Variants in DDX43 observed in about 807,000 individuals in gnomAD.
DDX43 encodes the protein probable ATP-dependent RNA helicase DDX43.
A neutral mutation model predicts 84.9 loss-of-function variants in DDX43; 50 were observed. The ratio of observed to expected loss-of-function variants is 0.59; its 90% CI spans 0.47 to 0.75. The LOEUF is 0.75. Ranked by LOEUF, DDX43 falls within the 30% of genes least tolerant of loss-of-function variation. The probability of loss-of-function intolerance (pLI) is 0.00; values close to 1 mark genes in which losing one functional copy is unlikely to be tolerated. For synonymous variants in DDX43, 291 were observed against 266.3 expected (o/e 1.09, Z -0.90); for missense variants, 689 against 798.6 (o/e 0.86, Z 1.65).
intron 11 of DDX43, among the ~76,000 whole-genome samples, chr6:73,412,616 G>A (rs947526325): frequency 1.6e-5 from 2 of 126,734 alleles, no homozygotes; most frequent in East Asian, 4.6e-4. Flanking sequence ...CTGCCTCCTG[G>A]GTTCAAGTGA....
rs1386128818 is a variant in DDX43, at chr6:73,401,950, TAGAG to T, written c.531_534del (p.Glu178LysfsTer3). 1 of 1,613,910 alleles carries T rather than the reference TAGAG, an allele frequency of 6.2e-7. No homozygotes were observed. The highest frequency in any genetic ancestry group is 8.5e-7 in the Non-Finnish European group (1 of 1,180,010). ...GGCCATTGATAGATTGGGATCAAAT[TAGAG>T]AGGAAGGTTTGAAATGGCAAAAAAC... On this transcript the variant is annotated frameshift_variant, in exon 4 of 17. Coordinates refer to ENST00000370336, the MANE Select transcript of DDX43 (RefSeq NM_018665.3). LOFTEE classifies it high-confidence loss of function.
At chr6:73,412,638 A>AGAGT (rs1554236109) in intron 11 of DDX43, among the ~76,000 whole-genome samples, 1 of 59,632 alleles carries the variant, frequency 1.7e-5, no homozygotes, top group Non-Finnish European at 4.1e-5. Flanking sequence ...ATATATATAT[A>AGAGT]GTGTGTGTGT....
In DDX43 at chr6:73,412,264, T is replaced by C. The variant is rs1459713510; in HGVS notation, c.1340T>C (p.Ile447Thr). ...LAQSYLKEPM[I>T]VYVGTLDLVA... ...CAATCTTATTTGAAAGAACCAATGATTGTCTATGTTGGTACATTGGATCTA... is the reference window on the plus strand; with the variant it reads ...CAATCTTATTTGAAAGAACCAATGACTGTCTATGTTGGTACATTGGATCTA... The change falls in exon 11 of 17, where the codon ATT (isoleucine) becomes ACT (threonine). Residue 447 changes from isoleucine (I) to threonine (T), a missense_variant. Around this residue, in one of 2 missense-constraint regions of DDX43, gnomAD observed 552 missense variants for 692.7 expected, o/e 0.80. Coordinates refer to ENST00000370336, the MANE Select transcript of DDX43 (RefSeq NM_018665.3). 4 of 1,613,414 alleles carry C rather than the reference T, an allele frequency of 2.5e-6. No individual in the cohort carries two copies. In the African/African-American group the frequency reaches 4.0e-5, roughly 16 times the overall value.
At position 73,400,318 on chromosome 6, in the gene DDX43, T is replaced by G; in HGVS notation, c.391T>G (p.Phe131Val). ...GAAAGCAAAAGCAGTGATAGACAAT[T>G]TTGTTAAAAAGCTAGAAGAAAATTA... is the stretch of plus-strand genomic sequence containing the variant. ...QTKAKAVIDN[F>V]VKKLEENYNS... The change falls in exon 3 of 17, where the codon TTT becomes GTT. Residue 131 changes from phenylalanine (F) to valine (V), a missense_variant. Physicochemically the swap from Phe to Val is conservative, Grantham distance 50 (BLOSUM62 -1). Transcript: ENST00000370336. The G allele has an allele frequency of 1.2e-6, 2 of 1,607,726 alleles. No individual in the cohort carries two copies. The highest frequency in any genetic ancestry group is 8.5e-7 in the Non-Finnish European group (1 of 1,178,008).
intron 11 of DDX43, among the ~76,000 whole-genome samples, chr6:73,412,678 C>CGT (rs1554236194): frequency 0.12 from 9,240 of 75,928 alleles, 488 homozygotes; most frequent in South Asian, 0.16. Flanking sequence ...TGCGCGCGCG[C>CGT]GTGTGTGTGT....
In DDX43 at chr6:73,395,069, C is replaced by T; in HGVS notation, c.164C>T (p.Ser55Phe). 6.2e-7 allele frequency: 1 copy of T among 1,613,364 alleles called. No individual in the cohort carries two copies. The highest frequency in any genetic ancestry group is 8.5e-7 in the Non-Finnish European group (1 of 1,179,734). The part of the protein sequence containing the change: ...VGRGGRWRGT[S>F]RPPEAVAAGH... ...AGAGGTGGTCGCTGGAGAGGCACCTCTAGGCCCCCGGAGGCCGTGGCCGCT... is the reference window on the plus strand; with the variant it reads ...AGAGGTGGTCGCTGGAGAGGCACCTTTAGGCCCCCGGAGGCCGTGGCCGCT... The change falls in exon 1 of 17, where the codon TCT becomes TTT. Residue 55 changes from serine (S) to phenylalanine (F), a missense_variant. Physicochemically the swap from Ser to Phe is radical, Grantham distance 155. Around this residue, in one of 2 missense-constraint regions of DDX43, gnomAD observed 137 missense variants for 105.9 expected, o/e 1.29. Coordinates refer to ENST00000370336, the MANE Select transcript of DDX43 (RefSeq NM_018665.3).
At chr6:73,396,679 A>G (rs1769481044) in intron 1 of DDX43, among the ~76,000 whole-genome samples, 2 of 152,214 alleles carry the variant, frequency 1.3e-5, no homozygotes, top group Admixed American at 1.3e-4. Flanking sequence ...TGTATCCCAG[A>G]TCTCTGGAAC....
At chr6:73,400,403 T>G (rs774636655) in intron 3 of DDX43, 40 bp downstream of exon 3, 1 of 1,551,760 alleles carries the variant, frequency 6.4e-7, no homozygotes, top group Non-Finnish European at 8.7e-7. Context: ...TAAAAGTTTT[T>G]AATTTCATTC....
At chr6:73,407,748 A>ACT in intron 8 of DDX43, 133 bp downstream of exon 8, 2 of 789,890 alleles carry the variant, frequency 2.5e-6, no homozygotes. Flanking sequence ...ATTTAGCACT[A>ACT]CTCTAATCAG....
intron 6 of DDX43, 78 bp from the exon 7 acceptor site, chr6:73,406,286 T>A (rs1160188637): frequency 2.0e-6 from 2 of 1,022,944 alleles, no homozygotes; most frequent in African/African-American, 1.6e-5. Flanking sequence ...CCTCCCAAAG[T>A]GCTGGGATTA....
Position 73,408,217 on chromosome 6 carries a change from CTAAGGTCAGGAGTTCGAG to C in DDX43, c.1179+117_1179+134del, listed in dbSNP as rs1582639415. ...TGGGAGGCCGAGGCAGGTGGATCAC[CTAAGGTCAGGAGTTCGAG>C]ACCAACCTGACCAATATGATGAAAC... On this transcript the variant is annotated intron_variant, in intron 9 of 16. Transcript: ENST00000370336. 8.7e-6 allele frequency: 9 copies of C among 1,035,328 alleles called. No homozygotes were observed. In the East Asian group the frequency reaches 2.2e-4, roughly 26 times the overall value. The allele number at this position is 1,035,328 out of a possible 1,614,324, so 64.1% of individuals were successfully genotyped here. A position where few individuals can be genotyped will look rare whatever the true frequency, so the allele number is the denominator to read the frequency against.
chr6:73,402,867 C>A (rs1769602371), intron 4 of DDX43, among the ~76,000 whole-genome samples: 1 of 152,174 alleles, frequency 6.6e-6, no homozygotes, highest in African/African-American at 2.4e-5. Context: ...GCGTGAGCCA[C>A]CCCACCCAGC....
chr6:73,400,447 C>G lies in DDX43; in HGVS notation c.436+84C>G, dbSNP rs749303498. The G allele has an allele frequency of 2.0e-4, 251 of 1,277,978 alleles. 1 individual carries two copies. Among genetic ancestry groups the G allele is most frequent in the Non-Finnish European group, 2.5e-4 (240 of 952,368 alleles). 79.2% of individuals were successfully genotyped at this position (1,277,978 alleles called of 1,614,324 possible). A position where few individuals can be genotyped will look rare whatever the true frequency, so the allele number is the denominator to read the frequency against. ...AAGCCATTATACCTGATTTCACTTTCTGATTCAAAGCATTAGGCTGCCATA... is the reference window on the plus strand; with the variant it reads ...AAGCCATTATACCTGATTTCACTTTGTGATTCAAAGCATTAGGCTGCCATA... On this transcript the variant is annotated intron_variant, in intron 3 of 16. Transcript: ENST00000370336.
At chr6:73,407,459 G>A (rs753352645) in intron 7 of DDX43, 46 bp from the exon 8 acceptor site, 1 of 1,259,626 alleles carries the variant, frequency 7.9e-7, no homozygotes, top group Non-Finnish European at 1.2e-6. Context: ...AATGTACCGT[G>A]CATCTGAGAC....
chr6:73,412,658 T>TGCGCGCGCGCGCGCGC (rs1391921205), intron 11 of DDX43, among the ~76,000 whole-genome samples: 1 of 87,842 alleles, frequency 1.1e-5, no homozygotes, highest in Non-Finnish European at 2.4e-5. Flanking sequence ...TGTGTGTGTG[T>TGCGCGCGCGCGCGCGC]GTGTGTGTGT....
rs1221303708 is a variant in DDX43 at position 73,400,378 on chromosome 6, C to T, written c.436+15C>T. On this transcript the variant is annotated intron_variant, in intron 3 of 16. Transcript: ENST00000370336. ...ATGCGGAATTGGTAAGTAATTTTCT[C>T]CCACTGAACCCCTTTAAAAGTTTTT... 7.6e-6 allele frequency: 12 copies of T among 1,586,092 alleles called. No individual in the cohort carries two copies. The highest frequency in any genetic ancestry group is 1.0e-5 in the Non-Finnish European group (12 of 1,169,892).
intron 11 of DDX43, among the ~76,000 whole-genome samples, chr6:73,412,874 A>T (rs1769830933): frequency 6.6e-6 from 1 of 151,930 alleles, no homozygotes; most frequent in African/African-American, 2.4e-5. Context: ...GGGGTTACAA[A>T]CATGGCTACT....
rs138632436 is a variant in DDX43, at chr6:73,396,841, A to G, written c.251-848A>G. On this transcript the variant is annotated intron_variant, in intron 1 of 16. Coordinates refer to ENST00000370336, the MANE Select transcript of DDX43 (RefSeq NM_018665.3). ...CAGTAATTGTCTTTGTAATTGGCTCATTTCTCTAAGAATAATATCCTCCAG... is the reference window on the plus strand; with the variant it reads ...CAGTAATTGTCTTTGTAATTGGCTCGTTTCTCTAAGAATAATATCCTCCAG... Among the ~76,000 whole-genome samples, 608 of 152,276 alleles carry G rather than the reference A, an allele frequency of 4.0e-3. 2 individuals carry two copies. Among genetic ancestry groups the G allele is most frequent in the African/African-American group, 0.014 (581 of 41,548 alleles).
chr6:73,413,456 C>T, intron 11 of DDX43: 3 of 425,910 alleles, frequency 7.0e-6, no homozygotes, highest in South Asian at 4.1e-5. Context: ...GGAATGGTAC[C>T]AATAGTATTT....
Sources: gnomAD v4.1 joint callset for allele counts (sites outside exome capture counted in the v4.1 genomes callset) on GRCh38, gnomAD v4.1.1 for gene constraint, gnomAD v4.1.1 regional missense constraint, MANE v1.5 for transcripts, NCBI Gene and HGNC (gene_info 2026-07-23, HGNC 2026-07-21) for gene names.